Variants in SUGCT observed in about 807,000 individuals in gnomAD.
SUGCT encodes the protein succinyl-CoA:glutarate CoA-transferase.
A neutral mutation model predicts 55.0 loss-of-function variants in SUGCT; 41 were observed. That is an observed-to-expected ratio of 0.74 (90% CI 0.58 to 0.97). SUGCT has a LOEUF of 0.97. Ranked by LOEUF, SUGCT falls within the 50% of genes least tolerant of loss-of-function variation. The pLI, the probability that SUGCT is intolerant of heterozygous loss-of-function variation, is 0.00. For synonymous variants in SUGCT, 187 were observed against 200.4 expected (o/e 0.93, Z 0.56); for missense variants, 568 against 547.8 (o/e 1.04, Z -0.37).
intron 12 of SUGCT, among the ~76,000 whole-genome samples, chr7:40,587,429 C>T (rs1797443067): frequency 6.6e-6 from 1 of 152,138 alleles, no homozygotes; most frequent in South Asian, 2.1e-4. Flanking sequence ...TGTGTCTAAA[C>T]ATGTCTTCAT....
At chr7:40,453,317 C>G (rs1789294646) in intron 10 of SUGCT, among the ~76,000 whole-genome samples, 1 of 152,196 alleles carries the variant, frequency 6.6e-6, no homozygotes, top group South Asian at 2.1e-4. Flanking sequence ...TGCATGGCCT[C>G]TGCCCTGGAA....
intron 12 of SUGCT, among the ~76,000 whole-genome samples, chr7:40,521,600 CATAA>C (rs774678091): frequency 6.6e-5 from 10 of 152,096 alleles, no homozygotes; most frequent in Non-Finnish European, 1.3e-4. Flanking sequence ...TGAACGGTTG[CATAA>C]ATAAAGACTG....
At chr7:40,516,969 T>C (rs956452244) in intron 12 of SUGCT, among the ~76,000 whole-genome samples, 3 of 152,082 alleles carry the variant, frequency 2.0e-5, no homozygotes, top group Admixed American at 1.3e-4. Flanking sequence ...AGGTGATATG[T>C]TTTTCCATTT....
intron 7 of SUGCT, among the ~76,000 whole-genome samples, chr7:40,254,766 T>C (rs982180621): frequency 3.3e-5 from 5 of 152,004 alleles, no homozygotes; most frequent in African/African-American, 9.7e-5. Flanking sequence ...ACCTCTGTTA[T>C]ATTCCTCTAT....
At chr7:40,528,494 A>T (rs1179782140) in intron 12 of SUGCT, among the ~76,000 whole-genome samples, 1 of 152,168 alleles carries the variant, frequency 6.6e-6, no homozygotes, top group African/African-American at 2.4e-5. Context: ...AAGAATGGAA[A>T]ATTCTGTTTT....
intron 12 of SUGCT, among the ~76,000 whole-genome samples, chr7:40,541,559 G>A (rs1794680931): frequency 6.6e-6 from 1 of 152,176 alleles, no homozygotes; most frequent in East Asian, 1.9e-4. Context: ...AACTTGGAAG[G>A]ATTGTAAAAA....
intron 11 of SUGCT, among the ~76,000 whole-genome samples, chr7:40,491,969 G>A (rs901886264): frequency 6.6e-6 from 1 of 150,834 alleles, no homozygotes; most frequent in Admixed American, 6.6e-5. Flanking sequence ...CAGCCTGGGC[G>A]ATAGAGCAAA....
At chr7:40,805,691 A>G (rs1791053859) in intron 13 of SUGCT, among the ~76,000 whole-genome samples, 1 of 152,196 alleles carries the variant, frequency 6.6e-6, no homozygotes, top group African/African-American at 2.4e-5. Context: ...CAGCATCTTA[A>G]AGCAAGATGA....
the SUGCT span, among the ~76,000 whole-genome samples, chr7:41,025,909 C>T: frequency 1.3e-5 from 2 of 152,202 alleles, no homozygotes; most frequent in African/African-American, 4.8e-5. Flanking sequence ...CAGCTGATCT[C>T]AGGAACTCTG....
At chr7:40,484,577 G>A (rs1425465651) in intron 11 of SUGCT, among the ~76,000 whole-genome samples, 1 of 152,120 alleles carries the variant, frequency 6.6e-6, no homozygotes, top group Non-Finnish European at 1.5e-5. Flanking sequence ...ACCAATTCAA[G>A]ATCTCCTCCA....
intron 12 of SUGCT, among the ~76,000 whole-genome samples, chr7:40,617,848 T>G (rs911858786): frequency 1.3e-5 from 2 of 152,206 alleles, no homozygotes; most frequent in Non-Finnish European, 2.9e-5. Context: ...TACATTGTAC[T>G]GATTGTTCAA....
At chr7:40,172,502 T>A (rs1784724618) in intron 1 of SUGCT, among the ~76,000 whole-genome samples, 1 of 152,144 alleles carries the variant, frequency 6.6e-6, no homozygotes, top group South Asian at 2.1e-4. Context: ...AGTGAAAGTC[T>A]GAAGCATTAG....
intron 12 of SUGCT, among the ~76,000 whole-genome samples, chr7:40,558,395 CA>C (rs1288336712): frequency 1.3e-5 from 2 of 151,992 alleles, no homozygotes; most frequent in Admixed American, 6.6e-5. Flanking sequence ...ATTGGATAAA[CA>C]AAACATAGTA....
At chr7:40,221,958 G>T (rs926250547) in intron 6 of SUGCT, among the ~76,000 whole-genome samples, 2 of 152,202 alleles carry the variant, frequency 1.3e-5, no homozygotes, top group African/African-American at 4.8e-5. Context: ...TATGATTCAC[G>T]CCTGAGATAT....
At position 40,237,628 on chromosome 7, in the gene SUGCT, G is replaced by A; in HGVS notation, c.485-7G>A. ...GGTGCTGAATATGTTTATTTTTGTT[G>A]TTTTAGGGTATGGTCAGACAGGTCC... On this transcript the variant is annotated splice_polypyrimidine_tract_variant and splice_region_variant and intron_variant, in intron 6 of 13. Transcript: ENST00000335693. The A allele has an allele frequency of 6.2e-7, 1 of 1,613,040 alleles. No homozygotes were observed. The highest frequency in any genetic ancestry group is 1.7e-5 in the Admixed American group (1 of 59,978).
At chr7:40,790,024 A>G (rs1296685524) in intron 13 of SUGCT, among the ~76,000 whole-genome samples, 2 of 152,228 alleles carry the variant, frequency 1.3e-5, no homozygotes, top group Admixed American at 1.3e-4. Flanking sequence ...TGAGGAAGAT[A>G]AGAATGTGTT....
At chr7:40,508,530 T>A (rs868327465) in intron 12 of SUGCT, among the ~76,000 whole-genome samples, 2 of 152,162 alleles carry the variant, frequency 1.3e-5, no homozygotes, top group Non-Finnish European at 2.9e-5. Context: ...ACTGCCTCGG[T>A]TAAAGCTTTT....
intron 8 of SUGCT, among the ~76,000 whole-genome samples, chr7:40,313,410 A>T (rs1340544757): frequency 6.6e-6 from 1 of 152,182 alleles, no homozygotes; most frequent in African/African-American, 2.4e-5. Flanking sequence ...TTTTTTTCAT[A>T]CATAATCACA....
At chr7:40,238,889 C>T (rs1489602887) in intron 7 of SUGCT, among the ~76,000 whole-genome samples, 1 of 150,606 alleles carries the variant, frequency 6.6e-6, no homozygotes, top group East Asian at 2.0e-4. Flanking sequence ...GGCGTGATCT[C>T]AGCTCACTGC....
Sources: allele counts gnomAD v4.1 joint callset (sites outside exome capture counted in the v4.1 genomes callset), GRCh38; gene constraint gnomAD v4.1.1; transcripts MANE v1.5; gene names NCBI Gene and HGNC (gene_info 2026-07-23, HGNC 2026-07-21).